SLC26A5: variants seen among roughly 807,000 people sequenced by gnomAD.
SLC26A5 encodes the protein prestin.
In SLC26A5, 51 loss-of-function variants were observed where a neutral mutation model predicts 81.0. The observed-to-expected ratio is 0.63, with a 90% CI of 0.50 to 0.80. SLC26A5 has a LOEUF of 0.80. Ranked by LOEUF, SLC26A5 falls within the 30% of genes least tolerant of loss-of-function variation. SLC26A5 has a pLI of 0.00. For synonymous variants in SLC26A5, 325 were observed against 332.8 expected (o/e 0.98, Z 0.25); for missense variants, 771 against 905.8 (o/e 0.85, Z 1.91).
intron 11 of SLC26A5, among the ~76,000 whole-genome samples, chr7:103,391,112 C>T (rs1009289128): frequency 6.6e-6 from 1 of 152,164 alleles, no homozygotes; most frequent in African/African-American, 2.4e-5. Flanking sequence ...ATCTGCCCGC[C>T]TTGGCCTCCC....
chr7:103,381,275 CCA>C (rs765683269), intron 14 of SLC26A5, among the ~76,000 whole-genome samples: 2 of 150,806 alleles, frequency 1.3e-5, no homozygotes, highest in Non-Finnish European at 3.0e-5. Context: ...CACCCACATA[CCA>C]CACACACATA....
chr7:103,379,910 A>G (rs1821647327), intron 15 of SLC26A5, among the ~76,000 whole-genome samples: 1 of 152,158 alleles, frequency 6.6e-6, no homozygotes, highest in Non-Finnish European at 1.5e-5. Flanking sequence ...TAACACCTTT[A>G]CCTTAGAGTG....
chr7:103,393,123 A>AG, intron 9 of SLC26A5, 57 bp from the exon 10 acceptor site: 1 of 1,605,378 alleles, frequency 6.2e-7, no homozygotes, highest in Non-Finnish European at 8.5e-7. Context: ...AAGAAAAAAA[A>AG]CCTTGCGACT....
At chr7:103,384,595 C>T (rs1044517170) in intron 14 of SLC26A5, among the ~76,000 whole-genome samples, 5 of 151,520 alleles carry the variant, frequency 3.3e-5, no homozygotes, top group African/African-American at 7.3e-5. Context: ...CCAGCCTGGG[C>T]GACAGAGCAT....
At chr7:103,391,837 T>C in intron 10 of SLC26A5, 102 bp from the exon 11 acceptor site, 1 of 869,530 alleles carries the variant, frequency 1.2e-6, no homozygotes, top group East Asian at 2.6e-5. Context: ...ACAGCCTATC[T>C]CTTCATTTTC....
chr7:103,375,697 G>C, intron 19 of SLC26A5, among the ~76,000 whole-genome samples: 1 of 152,116 alleles, frequency 6.6e-6, no homozygotes, highest in East Asian at 1.9e-4. Flanking sequence ...GCCTCCCAAA[G>C]TGTTGGGATT....
At chr7:103,407,815 A>G (rs577525818) in intron 8 of SLC26A5, 36 bp downstream of exon 8, 90 of 1,611,126 alleles carry the variant, frequency 5.6e-5, no homozygotes, top group Non-Finnish European at 7.6e-5. Flanking sequence ...ATGCAGTTGT[A>G]GAAGCCGAGT....
At chr7:103,401,183 T>C (rs1823559859) in intron 8 of SLC26A5, among the ~76,000 whole-genome samples, 1 of 152,228 alleles carries the variant, frequency 6.6e-6, no homozygotes, top group Non-Finnish European at 1.5e-5. Flanking sequence ...TTCACGATTT[T>C]GATTCTTCCT....
At chr7:103,409,863 A>G (rs1004429828) in intron 7 of SLC26A5, among the ~76,000 whole-genome samples, 3 of 151,994 alleles carry the variant, frequency 2.0e-5, no homozygotes, top group African/African-American at 7.3e-5. Context: ...GCCCGCCACC[A>G]CACCTGGCTA....
Position 103,355,608 on chromosome 7 carries a change from A to C in SLC26A5, c.2042-2682T>G, listed in dbSNP as rs143876338. On this transcript the variant is annotated intron_variant, in intron 19 of 19. Coordinates refer to the SLC26A5 transcript ENST00000339444. The stretch of plus-strand genomic sequence containing the variant: ...TCCTCACAATGAATGATTCAGTGCA[A>C]AATATCAGTAGTGCTGAGGTTTAGA... 1.2e-4 allele frequency: 116 copies of C among 999,822 alleles called. No individual in the cohort carries two copies. The African/African-American group carries it at 1.7e-3, about 15-fold the overall frequency. The allele number at this position is 999,822 out of a possible 1,614,324, so 61.9% of individuals were successfully genotyped here. A position where few individuals can be genotyped will look rare whatever the true frequency, so the allele number is the denominator to read the frequency against.
chr7:103,433,636 ATTC>A (rs1308501397), intron 2 of SLC26A5: 2 of 151,556 alleles, frequency 1.3e-5, no homozygotes, highest in Non-Finnish European at 2.9e-5. Context: ...AATGCATTTA[ATTC>A]TTCTTAAAGT....
chr7:103,375,210 A>C (rs1459726361), intron 19 of SLC26A5, among the ~76,000 whole-genome samples: 2 of 150,828 alleles, frequency 1.3e-5, no homozygotes, highest in Non-Finnish European at 3.0e-5. Flanking sequence ...CTTTTTGCTT[A>C]ATTTTTTTAC....
intron 19 of SLC26A5, chr7:103,355,940 A>T (rs1820007232): frequency 1.9e-6 from 1 of 539,640 alleles, no homozygotes; most frequent in Admixed American, 3.2e-5. Context: ...TGGGGTTAAA[A>T]TTTTATGCCT....
intron 19 of SLC26A5, among the ~76,000 whole-genome samples, chr7:103,361,770 T>G (rs113476833): frequency 2.0e-5 from 3 of 152,306 alleles, no homozygotes; most frequent in African/African-American, 7.2e-5. Context: ...ATTTGAAAAT[T>G]TTATGACTTG....
chr7:103,438,964 C>T (rs1363419006), intron 2 of SLC26A5, among the ~76,000 whole-genome samples: 1 of 152,206 alleles, frequency 6.6e-6, no homozygotes, highest in African/African-American at 2.4e-5. Flanking sequence ...AAACAATGTG[C>T]AGACCCAACA....
At chr7:103,368,109 C>A in intron 19 of SLC26A5, 2 of 1,465,060 alleles carry the variant, frequency 1.4e-6, no homozygotes, top group East Asian at 4.6e-5. Flanking sequence ...CTTATATAGA[C>A]TTGTTAATAA....
rs572767093 is a variant in SLC26A5 at position 103,392,555 on chromosome 7, C to A, written c.1119+364G>T. 1.9e-4 allele frequency among the ~76,000 whole-genome samples: 29 copies of A among 152,310 alleles called. No individual in the cohort carries two copies. The South Asian group carries it at 5.4e-3, about 28-fold the overall frequency. ...CTACCAAGATAGATTAGTTCTTGTG[C>A]CTTCCATAACCGACCTTGGTTATTT... On this transcript the variant is annotated intron_variant, in intron 10 of 19. Coordinates refer to ENST00000306312, the MANE Select transcript of SLC26A5 (RefSeq NM_198999.3).
At position 103,400,638 on chromosome 7, in the gene SLC26A5, G is replaced by T. The variant is rs552841914; in HGVS notation, c.889-2624C>A. 3.2e-4 allele frequency among the ~76,000 whole-genome samples: 48 copies of T among 152,270 alleles called. 1 individual carries two copies. In the South Asian group the frequency reaches 9.3e-3, roughly 30 times the overall value. ...TTGGTGTTTTAGTCATGAAGTCTTT[G>T]CCCATGCCTATGTCCTGAATGGTAC... On this transcript the variant is annotated intron_variant, in intron 8 of 19. Transcript: ENST00000306312.
At chr7:103,422,357 G>C (rs1454766053) in intron 2 of SLC26A5, among the ~76,000 whole-genome samples, 1 of 152,098 alleles carries the variant, frequency 6.6e-6, no homozygotes, top group Non-Finnish European at 1.5e-5. Flanking sequence ...ATTCTATGTA[G>C]TAATTAAAAG....
Sources: allele counts gnomAD v4.1 joint callset (sites outside exome capture counted in the v4.1 genomes callset), GRCh38; gene constraint gnomAD v4.1.1; transcripts MANE v1.5; gene names NCBI Gene and HGNC (gene_info 2026-07-23, HGNC 2026-07-21).